The following GRID1 variants were observed in gnomAD, a reference collection of about 807,000 sequenced individuals.
GRID1 encodes the protein glutamate ionotropic receptor delta type subunit 1, also known as glutamate receptor ionotropic, delta-1.
Under a neutral mutation model 98.0 loss-of-function variants are expected in GRID1, and 28 were observed. The ratio of observed to expected loss-of-function variants is 0.29; its 90% CI spans 0.21 to 0.39. The LOEUF is 0.39. Ranked by LOEUF, GRID1 falls within the 10% of genes least tolerant of loss-of-function variation. The pLI is 1.00. For missense variants in GRID1, 1,111 were observed against 1,340.5 expected (o/e 0.83, Z 2.67); for synonymous variants, 553 against 538.5 (o/e 1.03, Z -0.37).
intron 2 of GRID1, among the ~76,000 whole-genome samples, chr10:86,302,843 G>C (rs536168922): frequency 6.6e-6 from 1 of 152,236 alleles, no homozygotes; most frequent in Non-Finnish European, 1.5e-5. Flanking sequence ...CCAATTGAGA[G>C]CTTGTTAGAA....
At chr10:86,299,825 A>G (rs1847655146) in intron 2 of GRID1, among the ~76,000 whole-genome samples, 1 of 152,094 alleles carries the variant, frequency 6.6e-6, no homozygotes. Flanking sequence ...TGCAAATGGG[A>G]CAGACCCACG....
intron 8 of GRID1, among the ~76,000 whole-genome samples, chr10:85,815,919 A>T (rs1842712112): frequency 6.6e-6 from 1 of 152,044 alleles, no homozygotes; most frequent in South Asian, 2.1e-4. Context: ...TTACATCATT[A>T]GTCATTAGTT....
chr10:86,254,320 C>A (rs563192757), intron 2 of GRID1, among the ~76,000 whole-genome samples: 1 of 152,296 alleles, frequency 6.6e-6, no homozygotes, highest in Non-Finnish European at 1.5e-5. Flanking sequence ...GAATTTCCCA[C>A]ATCATCTTCA....
chr10:85,877,375 C>T (rs1843345705), intron 5 of GRID1, among the ~76,000 whole-genome samples: 1 of 152,228 alleles, frequency 6.6e-6, no homozygotes. Context: ...ACTGACACCT[C>T]ACAGGGCTGG....
intron 2 of GRID1, among the ~76,000 whole-genome samples, chr10:86,277,589 T>C (rs1433039794): frequency 1.3e-5 from 2 of 152,230 alleles, no homozygotes; most frequent in African/African-American, 2.4e-5. Context: ...TATAGGAGCA[T>C]AGTTGTGTAT....
intron 8 of GRID1, among the ~76,000 whole-genome samples, chr10:85,765,488 C>A (rs908081078): frequency 6.6e-6 from 1 of 152,198 alleles, no homozygotes; most frequent in African/African-American, 2.4e-5. Flanking sequence ...TGAGCATTGA[C>A]ATGACACAAA....
At chr10:85,888,135 T>G (rs956940742) in intron 5 of GRID1, among the ~76,000 whole-genome samples, 4 of 152,238 alleles carry the variant, frequency 2.6e-5, no homozygotes, top group African/African-American at 9.6e-5. Context: ...AGCCATTGTT[T>G]GAAAAGTAGT....
chr10:86,327,953 C>T (rs1166884404), intron 2 of GRID1, among the ~76,000 whole-genome samples: 1 of 152,104 alleles, frequency 6.6e-6, no homozygotes, highest in Non-Finnish European at 1.5e-5. Flanking sequence ...ATAAGGATTT[C>T]CATGACAATA....
intron 2 of GRID1, among the ~76,000 whole-genome samples, chr10:86,247,672 AGGT>A (rs746889964): frequency 1.6e-4 from 24 of 152,080 alleles, no homozygotes; most frequent in Non-Finnish European, 2.2e-4. Context: ...AAGATGAGAG[AGGT>A]GGGAGCTAGA....
intron 8 of GRID1, among the ~76,000 whole-genome samples, chr10:85,729,932 C>T (rs1471349116): frequency 6.6e-6 from 1 of 152,234 alleles, no homozygotes; most frequent in African/African-American, 2.4e-5. Flanking sequence ...GGCCATGTCA[C>T]TGTGATGCCT....
At chr10:85,822,704 T>G (rs1227404244) in intron 8 of GRID1, among the ~76,000 whole-genome samples, 1 of 152,150 alleles carries the variant, frequency 6.6e-6, no homozygotes, top group Admixed American at 6.6e-5. Flanking sequence ...ACCCAAAAGA[T>G]TATAAATCAT....
intron 8 of GRID1, among the ~76,000 whole-genome samples, chr10:85,813,863 G>T (rs1283301541): frequency 1.3e-5 from 2 of 151,708 alleles, no homozygotes; most frequent in Non-Finnish European, 3.0e-5. Flanking sequence ...GGTAAGGGAG[G>T]AGAGTTATAG....
At chr10:85,968,065 A>G (rs1343820370) in intron 4 of GRID1, among the ~76,000 whole-genome samples, 3 of 152,242 alleles carry the variant, frequency 2.0e-5, no homozygotes, top group African/African-American at 7.2e-5. Context: ...CTGAATTAAC[A>G]TACAAAATAA....
At chr10:86,078,768 A>G (rs1214054955) in intron 4 of GRID1, among the ~76,000 whole-genome samples, 1 of 152,154 alleles carries the variant, frequency 6.6e-6, no homozygotes, top group Non-Finnish European at 1.5e-5. Context: ...AGCCTTCTCC[A>G]TGGAACCTAG....
rs1337941413 is a variant in GRID1, at chr10:86,318,690, C to A, written c.235+45251G>T. Among the ~76,000 whole-genome samples the A allele has an allele frequency of 2.6e-5, 4 of 152,276 alleles. No individual in the cohort carries two copies. The East Asian group carries it at 7.7e-4, about 29-fold the overall frequency. The stretch of plus-strand genomic sequence containing the variant: ...GAAGAGGAACTCACCCTTGCTGAGA[C>A]CCTACCATAGGCAGGGCAATCTGCT... On this transcript the variant is annotated intron_variant, in intron 2 of 15. Transcript: ENST00000327946.
At chr10:86,047,528 C>T (rs1351475893) in intron 4 of GRID1, among the ~76,000 whole-genome samples, 3 of 152,168 alleles carry the variant, frequency 2.0e-5, no homozygotes, top group Non-Finnish European at 4.4e-5. Flanking sequence ...CGGGGAGCAC[C>T]GCTACATTGC....
chr10:86,270,461 G>T lies in GRID1; in HGVS notation c.236-63813C>A, dbSNP rs182795473. Among the ~76,000 whole-genome samples the T allele has an allele frequency of 1.1e-3, 174 of 152,230 alleles. 2 individuals carry two copies. The highest frequency in any genetic ancestry group is 4.0e-3 in the African/African-American group (167 of 41,540). On this transcript the variant is annotated intron_variant, in intron 2 of 15. Coordinates refer to ENST00000327946, the MANE Select transcript of GRID1 (RefSeq NM_017551.3). Reference sequence around the variant, plus strand: ...TCCCAGCATTTTGGGAGACCAAGGCGGGTGGATCACTTGAGGTCAGCAGTT... The same window carrying T: ...TCCCAGCATTTTGGGAGACCAAGGCTGGTGGATCACTTGAGGTCAGCAGTT...
intron 2 of GRID1, among the ~76,000 whole-genome samples, chr10:86,260,626 C>A (rs1012484671): frequency 2.0e-5 from 3 of 152,212 alleles, no homozygotes; most frequent in Non-Finnish European, 4.4e-5. Flanking sequence ...CTGTTAAGAG[C>A]TGGGCCATCG....
intron 8 of GRID1, among the ~76,000 whole-genome samples, chr10:85,827,296 A>G (rs1015404638): frequency 6.6e-6 from 1 of 152,224 alleles, no homozygotes; most frequent in Admixed American, 6.5e-5. Flanking sequence ...TTCATCAGAT[A>G]GAGCTAAAAA....
Sources: allele counts gnomAD v4.1 joint callset (sites outside exome capture counted in the v4.1 genomes callset), GRCh38; gene constraint gnomAD v4.1.1; transcripts MANE v1.5; gene names NCBI Gene and HGNC (gene_info 2026-07-23, HGNC 2026-07-21).